Variants in QTRT2 observed in about 807,000 individuals in gnomAD.
QTRT2 encodes queuine tRNA-ribosyltransferase accessory subunit 2, also known as queuine tRNA-ribosyltransferase domain containing 1.
In QTRT2, 32 loss-of-function variants were observed where a neutral mutation model predicts 44.8. The observed-to-expected ratio is 0.71, with a 90% CI of 0.54 to 0.96. QTRT2 has a LOEUF of 0.96. Among genes scored for constraint, QTRT2 ranks in the 40% least tolerant of loss-of-function variants. The pLI, the probability that QTRT2 is intolerant of heterozygous loss-of-function variation, is 0.00. For missense variants in QTRT2, 461 were observed against 503.1 expected, an observed-to-expected ratio of 0.92 and a Z score of 0.80; for synonymous variants, 182 against 187.4, an observed-to-expected ratio of 0.97 and a Z score of 0.24.
chr3:114,084,076 T>G (rs529939122), intron 9 of QTRT2, among the ~76,000 whole-genome samples: 133 of 147,074 alleles, frequency 9.0e-4, no homozygotes, highest in African/African-American at 2.1e-3. Context: ...TTTTTTTTTT[T>G]GTGGGGGGCA....
Position 114,076,785 on chromosome 3 carries a change from G to A in QTRT2, c.589G>A (p.Asp197Asn), listed in dbSNP as rs762869663. Reference sequence around the variant, plus strand: ...GATCATTGGAGTGATTGAAGGTGGAGATGTGATGGAAGAGAGGCTGAGGTC... The same window carrying A: ...GATCATTGGAGTGATTGAAGGTGGAAATGTGATGGAAGAGAGGCTGAGGTC... ...SVIIGVIEGG[D>N]VMEERLRSAR... The change falls in exon 7 of 10, where the codon GAT becomes AAT. Residue 197 changes from aspartate to asparagine, a missense_variant. By Grantham distance (23) the Asp-to-Asn change is conservative. Coordinates refer to ENST00000281273, the MANE Select transcript of QTRT2 (RefSeq NM_024638.4). 2 of 1,614,254 alleles carry A rather than the reference G, an allele frequency of 1.2e-6. No individual in the cohort carries two copies. The highest frequency in any genetic ancestry group is 1.7e-6 in the Non-Finnish European group (2 of 1,180,042).
chr3:114,060,731 T>C (rs907595693), intron 2 of QTRT2, among the ~76,000 whole-genome samples: 1 of 152,192 alleles, frequency 6.6e-6, no homozygotes, highest in Admixed American at 6.5e-5. Flanking sequence ...TTGGAGAACT[T>C]TAACCTTTTC....
intron 8 of QTRT2, among the ~76,000 whole-genome samples, chr3:114,081,483 A>G (rs1253320218): frequency 6.6e-6 from 1 of 152,190 alleles, no homozygotes; most frequent in Non-Finnish European, 1.5e-5. Context: ...GAAAATTATA[A>G]GAAAACCTTT....
chr3:114,082,750 C>T lies in QTRT2; in HGVS notation c.972C>T (p.Cys324=). ...DQIKKIETTG[C]NQEITSFEIN... is the part of the protein sequence containing the mutation. The stretch of plus-strand genomic sequence containing the variant: ...TAAAGAAAATTGAAACAACTGGTTG[C>T]AACCAAGAAATAACATCATTTGAAA... Residue 324 remains cysteine, a synonymous_variant, in exon 9 of 10, where the codon TGC becomes TGT. Transcript: ENST00000281273. 6.6e-7 allele frequency: 1 copy of T among 1,517,908 alleles called. No homozygotes were observed. The highest frequency in any genetic ancestry group is 9.0e-7 in the Non-Finnish European group (1 of 1,110,692). 94.0% of individuals were successfully genotyped at this position (1,517,908 alleles called of 1,614,324 possible).
chr3:114,088,324 C>G lies in QTRT2; in HGVS notation c.*2420C>G, dbSNP rs1014036692. The G allele has an allele frequency of 1.3e-5, 2 of 151,950 alleles. No individual in the cohort carries two copies. Among genetic ancestry groups the G allele is most frequent in the Non-Finnish European group, 2.9e-5 (2 of 68,000 alleles). The allele number at this position is 151,950 out of a possible 1,614,324, so 9.4% of individuals were successfully genotyped here. ...TAGTAAATCTATTAAAGGCAATAGC[C>G]AATAAAACATTTTTAATTTTAAAAA... is the stretch of plus-strand genomic sequence containing the variant. On this transcript the variant is annotated 3_prime_UTR_variant, in exon 10 of 10. Coordinates refer to ENST00000281273, the MANE Select transcript of QTRT2 (RefSeq NM_024638.4).
In QTRT2 at chr3:114,062,011, T is replaced by TAAA. The variant is rs35348583; in HGVS notation, c.-21-3209_-21-3207dup. Among the ~76,000 whole-genome samples the TAAA allele has an allele frequency of 9.0e-4, 122 of 135,790 alleles. 1 individual carries two copies. Among genetic ancestry groups the TAAA allele is most frequent in the East Asian group, 2.5e-3 (12 of 4,710 alleles). 89.1% of individuals were successfully genotyped at this position (135,790 alleles called of 152,430 possible). Reference sequence around the variant, plus strand: ...GGCCATGGTATGCTGCAGGATATTCTAAAAAAAAAAAAAAAAAAATCTGAA... The same window carrying TAAA: ...GGCCATGGTATGCTGCAGGATATTCTAAAAAAAAAAAAAAAAAAAAAATCTGAA... On this transcript the variant is annotated intron_variant, in intron 2 of 9. Transcript: ENST00000281273.
Position 114,087,187 on chromosome 3 carries a change from A to G in QTRT2, c.*1283A>G, listed in dbSNP as rs987093075. On this transcript the variant is annotated 3_prime_UTR_variant, in exon 10 of 10. Coordinates refer to ENST00000281273, the MANE Select transcript of QTRT2 (RefSeq NM_024638.4). ...ACCAAAAAGATGCCCCTTTTTTTGT[A>G]GGGATAAGAAATACATTTGTTTTAT... 2.6e-5 allele frequency: 4 copies of G among 152,156 alleles called. No individual in the cohort carries two copies. The highest frequency in any genetic ancestry group is 5.9e-5 in the Non-Finnish European group (4 of 68,018). 9.4% of individuals were successfully genotyped at this position (152,156 alleles called of 1,614,324 possible).
At chr3:114,072,768 T>C (rs1467772819) in intron 6 of QTRT2, among the ~76,000 whole-genome samples, 1 of 152,196 alleles carries the variant, frequency 6.6e-6, no homozygotes, top group Non-Finnish European at 1.5e-5. Context: ...ATCTGACATA[T>C]TGTAAGCCCT....
rs375474925 is a variant in QTRT2 at position 114,077,043 on chromosome 3, A to G, written c.746+101A>G. On this transcript the variant is annotated intron_variant, in intron 7 of 9. Transcript: ENST00000281273. ...GTGTCTGTGCATAGGCATGCCTTTG[A>G]TGTTTTGTTTATGTCCTTTCTGGGC... 1.6e-3 allele frequency: 1,840 copies of G among 1,153,706 alleles called. 38 individuals are homozygous for G. In the South Asian group the frequency reaches 0.025, roughly 16 times the overall value. The allele number at this position is 1,153,706 out of a possible 1,614,324, so 71.5% of individuals were successfully genotyped here.
rs2077235341 is a variant in QTRT2, at chr3:114,086,205, A to T, written c.*301A>T. The stretch of plus-strand genomic sequence containing the variant: ...ACAAAAGCTTTAACTGTGAGGGCAC[A>T]GCCTTGAAGTGGGAGTGATGAGATT... On this transcript the variant is annotated 3_prime_UTR_variant, in exon 10 of 10. Coordinates refer to ENST00000281273, the MANE Select transcript of QTRT2 (RefSeq NM_024638.4). 2.9e-6 allele frequency: 1 copy of T among 347,378 alleles called. No individual in the cohort carries two copies. Among genetic ancestry groups the T allele is most frequent in the African/African-American group, 2.1e-5 (1 of 47,318 alleles). The allele number at this position is 347,378 out of a possible 1,614,324, so 21.5% of individuals were successfully genotyped here.
intron 7 of QTRT2, 175 bp from the exon 8 acceptor site, chr3:114,079,731 G>T (rs2077140542): frequency 4.0e-6 from 2 of 495,758 alleles, no homozygotes; most frequent in Admixed American, 3.6e-5. Context: ...AGTTTTTCTG[G>T]CTCCAAAGCC....
rs1436276013 is a variant in QTRT2, at chr3:114,057,025, A to G, written c.-103A>G. 2 of 1,411,128 alleles carry G rather than the reference A, an allele frequency of 1.4e-6. No individual in the cohort carries two copies. The highest frequency in any genetic ancestry group is 1.8e-6 in the Non-Finnish European group (2 of 1,087,636). The allele number at this position is 1,411,128 out of a possible 1,614,324, so 87.4% of individuals were successfully genotyped here. ...GTGTCCTGGTGGATTGGTTTCTGTA[A>G]GTTCAGATTCTCATAAATCGTGTGA... On this transcript the variant is annotated 5_prime_UTR_variant, in exon 2 of 10. The change abolishes the stop of an existing upstream ORF in the 5' untranslated region. Transcript: ENST00000281273.
intron 6 of QTRT2, among the ~76,000 whole-genome samples, chr3:114,075,167 C>T (rs185875464): frequency 3.9e-4 from 60 of 152,274 alleles, no homozygotes; most frequent in Admixed American, 3.1e-3. Flanking sequence ...AGGTTATGTA[C>T]GTACCATTTC....
intron 6 of QTRT2, among the ~76,000 whole-genome samples, chr3:114,071,423 C>G (rs115303988): frequency 0.018 from 2,664 of 152,140 alleles, 57 homozygotes; most frequent in African/African-American, 0.06. Flanking sequence ...CTCAGCCTCC[C>G]GTATAGCTGA....
rs1050356079 is a variant in QTRT2, at chr3:114,088,054, T to C, written c.*2150T>C. 21 of 152,244 alleles carry C rather than the reference T, an allele frequency of 1.4e-4. No homozygotes were observed. Among genetic ancestry groups the C allele is most frequent in the African/African-American group, 4.1e-4 (17 of 41,470 alleles). The allele number at this position is 152,244 out of a possible 1,614,324, so 9.4% of individuals were successfully genotyped here. ...TTCCATGAATGGCAAGGGGTACTTA[T>C]GGAAAACAGTTTTCCAAAGATCTGA... On this transcript the variant is annotated 3_prime_UTR_variant, in exon 10 of 10. Coordinates refer to ENST00000281273, the MANE Select transcript of QTRT2 (RefSeq NM_024638.4).
chr3:114,084,885 T>A (rs939236431), intron 9 of QTRT2, among the ~76,000 whole-genome samples: 6 of 152,168 alleles, frequency 3.9e-5, no homozygotes, highest in African/African-American at 7.2e-5. Context: ...TCTCCAAGAA[T>A]GAATGTGAAG....
chr3:114,057,063 CCT>C lies in QTRT2; in HGVS notation c.-62_-61del, dbSNP rs1445104635. On this transcript the variant is annotated 5_prime_UTR_variant, in exon 2 of 10. Transcript: ENST00000281273. ...ATAAATCGTGTGAGCGTCGCCGACA[CCT>C]CTGAGATAAAAGGGCCCCTTTCGAC... The C allele has an allele frequency of 3.6e-5, 50 of 1,380,378 alleles. No individual in the cohort carries two copies. Among genetic ancestry groups the C allele is most frequent in the Non-Finnish European group, 4.5e-5 (48 of 1,071,102 alleles). 85.5% of individuals were successfully genotyped at this position (1,380,378 alleles called of 1,614,324 possible). A position where few individuals can be genotyped will look rare whatever the true frequency, so the allele number is the denominator to read the frequency against.
chr3:114,058,370 A>G (rs1353131238), intron 2 of QTRT2, among the ~76,000 whole-genome samples: 1 of 152,008 alleles, frequency 6.6e-6, no homozygotes, highest in Admixed American at 6.6e-5. Context: ...TTTGGAAATT[A>G]TGCATTCTGT....
At position 114,070,917 on chromosome 3, in the gene QTRT2, C is replaced by T. The variant is rs557924754; in HGVS notation, c.546+79C>T. 39 of 1,056,204 alleles carry T rather than the reference C, an allele frequency of 3.7e-5. No homozygotes were observed. In the African/African-American group the frequency reaches 5.5e-4, roughly 15 times the overall value. The allele number at this position is 1,056,204 out of a possible 1,614,324, so 65.4% of individuals were successfully genotyped here. ...ATTCTGTGATACCACCTTTTCTGTTCTTCCTCCTACTGCTGTGCTCCTCAC... is the reference window on the plus strand; with the variant it reads ...ATTCTGTGATACCACCTTTTCTGTTTTTCCTCCTACTGCTGTGCTCCTCAC... On this transcript the variant is annotated intron_variant, in intron 6 of 9. Transcript: ENST00000281273.
Sources: gnomAD v4.1 joint callset for allele counts (sites outside exome capture counted in the v4.1 genomes callset) on GRCh38, gnomAD v4.1.1 for gene constraint, MANE v1.5 for transcripts, NCBI Gene and HGNC (gene_info 2026-07-23, HGNC 2026-07-21) for gene names.